DGKB: variants seen among roughly 807,000 people sequenced by gnomAD.
DGKB encodes the protein diacylglycerol kinase beta.
DGKB carries 67 observed loss-of-function variants against 114.3 expected under a neutral mutation model. The ratio of observed to expected loss-of-function variants is 0.59; its 90% CI spans 0.48 to 0.72. DGKB has a LOEUF of 0.72. Ranked by LOEUF, DGKB falls within the 30% of genes least tolerant of loss-of-function variation. The probability of loss-of-function intolerance (pLI) is 0.00; values close to 1 mark genes in which losing one functional copy is unlikely to be tolerated. For synonymous variants in DGKB, 398 were observed against 323.1 expected, an observed-to-expected ratio of 1.23 and a Z score of -2.49; for missense variants, 907 against 975.2, an observed-to-expected ratio of 0.93 and a Z score of 0.93.
intron 23 of DGKB, among the ~76,000 whole-genome samples, chr7:14,326,433 G>A (rs1375015033): frequency 6.6e-6 from 1 of 152,148 alleles, no homozygotes; most frequent in African/African-American, 2.4e-5. Flanking sequence ...TGGTGCATGA[G>A]TCAGGTGGAG....
intron 23 of DGKB, chr7:14,209,478 C>T: frequency 2.1e-6 from 1 of 485,578 alleles, no homozygotes; most frequent in South Asian, 1.5e-5. Flanking sequence ...ATGATCTTGT[C>T]TCCTTCCAAA....
At chr7:14,729,287 T>G (rs1287486777) in intron 5 of DGKB, among the ~76,000 whole-genome samples, 1 of 132,012 alleles carries the variant, frequency 7.6e-6, no homozygotes, top group Non-Finnish European at 1.8e-5. Flanking sequence ...CACATCCGGC[T>G]AATTTTTTGT....
chr7:14,721,624 T>C (rs1172314382), intron 5 of DGKB, among the ~76,000 whole-genome samples: 2 of 152,142 alleles, frequency 1.3e-5, no homozygotes, highest in Non-Finnish European at 2.9e-5. Context: ...TGTCACAGTT[T>C]TACATTTAAA....
intron 25 of DGKB, among the ~76,000 whole-genome samples, chr7:14,152,774 A>C (rs1003379329): frequency 6.6e-6 from 1 of 152,122 alleles, no homozygotes; most frequent in Non-Finnish European, 1.5e-5. Context: ...TTTCTATTAC[A>C]TTTTTAAGGT....
chr7:14,950,124 T>A lies in DGKB; in HGVS notation c.-188+24572A>T, dbSNP rs561058327. On this transcript the variant is annotated intron_variant, in intron 1 of 4. Transcript: ENST00000437998. ...TAATAATAAAAAAAAAGAAAAAAAA[T>A]GTTGGAAAGACCAAGACAAAGAGAA... Among the ~76,000 whole-genome samples the A allele has an allele frequency of 2.3e-4, 34 of 150,786 alleles. No individual in the cohort carries two copies. In the East Asian group the frequency reaches 5.9e-3, roughly 26 times the overall value.
At chr7:14,351,749 T>C (rs936795900) in intron 21 of DGKB, among the ~76,000 whole-genome samples, 16 of 152,204 alleles carry the variant, frequency 1.1e-4, no homozygotes, top group Non-Finnish European at 1.6e-4. Flanking sequence ...TATTTGCTTG[T>C]AGAAACTTGA....
At position 14,550,791 on chromosome 7, in the gene DGKB, C is replaced by A. The variant is rs1991690; in HGVS notation, c.1770+23421G>T. On this transcript the variant is annotated intron_variant, in intron 20 of 25. Transcript: ENST00000402815. The stretch of plus-strand genomic sequence containing the variant: ...GAATTTTATCAAACCAAATATAAAT[C>A]AAACTAATAAAAAATGACAGCTTCT... Among the ~76,000 whole-genome samples the A allele has an allele frequency of 0.019, 2,931 of 152,046 alleles. 133 individuals are homozygous for A. The East Asian group carries it at 0.2, about 10-fold the overall frequency.
chr7:14,233,288 T>C (rs1792198984), intron 23 of DGKB, among the ~76,000 whole-genome samples: 1 of 152,036 alleles, frequency 6.6e-6, no homozygotes, highest in South Asian at 2.1e-4. Context: ...CAATGACAAA[T>C]GGGACTGTCT....
chr7:14,563,174 T>A (rs569526045), intron 20 of DGKB, among the ~76,000 whole-genome samples: 9 of 152,324 alleles, frequency 5.9e-5, no homozygotes, highest in African/African-American at 1.2e-4. Context: ...TCTGCCATGA[T>A]TGGGAGGCCT....
At chr7:14,970,311 T>A (rs1326924184) in intron 1 of DGKB, among the ~76,000 whole-genome samples, 1 of 152,126 alleles carries the variant, frequency 6.6e-6, no homozygotes, top group Non-Finnish European at 1.5e-5. Context: ...TCTTTACTCA[T>A]GAAACTTAAC....
intron 1 of DGKB, among the ~76,000 whole-genome samples, chr7:14,856,874 T>G (rs1023763783): frequency 1.3e-5 from 2 of 152,166 alleles, no homozygotes; most frequent in African/African-American, 4.8e-5. Flanking sequence ...AGTCAGCTTC[T>G]TAAGTATTTG....
At chr7:14,198,845 A>T (rs1206182632) in intron 23 of DGKB, among the ~76,000 whole-genome samples, 1 of 151,978 alleles carries the variant, frequency 6.6e-6, no homozygotes, top group Non-Finnish European at 1.5e-5. Flanking sequence ...ATGAGGAGGG[A>T]TAGGGGGAAC....
chr7:14,283,906 A>G (rs1407516853), intron 23 of DGKB, among the ~76,000 whole-genome samples: 1 of 152,162 alleles, frequency 6.6e-6, no homozygotes, highest in African/African-American at 2.4e-5. Context: ...AAAACCATAA[A>G]AACCATAGAA....
chr7:14,793,299 T>C (rs1312989264), intron 2 of DGKB, among the ~76,000 whole-genome samples: 2 of 152,098 alleles, frequency 1.3e-5, no homozygotes, highest in African/African-American at 2.4e-5. Context: ...AATGGTTGAA[T>C]TGCTCCCCCG....
chr7:14,762,616 T>G (rs1363426959), intron 2 of DGKB, among the ~76,000 whole-genome samples: 6 of 152,278 alleles, frequency 3.9e-5, no homozygotes. Context: ...CACATCTCTT[T>G]AGGCATCTGT....
intron 1 of DGKB, among the ~76,000 whole-genome samples, chr7:14,849,835 G>A (rs1046331001): frequency 1.3e-5 from 2 of 152,152 alleles, no homozygotes; most frequent in Non-Finnish European, 2.9e-5. Context: ...AAGAGGCACA[G>A]AGCCTCAAGA....
At chr7:14,160,475 C>T (rs1483927490) in intron 25 of DGKB, among the ~76,000 whole-genome samples, 7 of 152,132 alleles carry the variant, frequency 4.6e-5, no homozygotes, top group Non-Finnish European at 1.0e-4. Context: ...TTCCTATACA[C>T]CAATAACAGA....
At chr7:14,736,353 C>T (rs1206860191) in intron 4 of DGKB, among the ~76,000 whole-genome samples, 159 bp from the exon 5 acceptor site, 1 of 152,146 alleles carries the variant, frequency 6.6e-6, no homozygotes, top group Non-Finnish European at 1.5e-5. Context: ...GGTGGGCCGT[C>T]CTGGGCTAAC....
intron 23 of DGKB, among the ~76,000 whole-genome samples, chr7:14,277,681 G>C (rs555605894): frequency 6.6e-6 from 1 of 152,288 alleles, no homozygotes; most frequent in African/African-American, 2.4e-5. Flanking sequence ...CATTTAGGCT[G>C]ATTCCATATC....
Sources: gnomAD v4.1 joint callset for allele counts (sites outside exome capture counted in the v4.1 genomes callset) on GRCh38, gnomAD v4.1.1 for gene constraint, MANE v1.5 for transcripts, NCBI Gene and HGNC (gene_info 2026-07-23, HGNC 2026-07-21) for gene names.